Variants in LAT2 observed in about 807,000 individuals in gnomAD.
LAT2 encodes the protein linker for activation of T cells family member 2.
In LAT2, 23 loss-of-function variants were observed where a neutral mutation model predicts 43.4. That is an observed-to-expected ratio of 0.53 (90% CI 0.38 to 0.75). The LOEUF (loss-of-function observed/expected upper bound fraction) is 0.75. Ranked by LOEUF, LAT2 falls within the 30% of genes least tolerant of loss-of-function variation. LAT2 has a pLI of 0.00. For synonymous variants in LAT2, 128 were observed against 123.2 expected (o/e 1.04, Z -0.26); for missense variants, 284 against 310.2 (o/e 0.92, Z 0.64).
chr7:74,215,709 G>T (rs1036965666), intron 2 of LAT2, among the ~76,000 whole-genome samples: 8 of 152,178 alleles, frequency 5.3e-5, no homozygotes, highest in African/African-American at 1.9e-4. Context: ...TGTCTTGTGG[G>T]CCCCCAGAAC....
chr7:74,220,720 G>C lies in LAT2; in HGVS notation c.318G>C (p.Ser106=). ...CTCCCGCAGGAAGCAGACACGGGTC[G>C]GAGGAAGCCTACATGTGAGTGACCT... The part of the protein sequence containing the change: ...QNFSKGSRHG[S]EEAYIDPIAM... Residue 106 remains serine (S), a synonymous_variant, in exon 9 of 14, where the codon TCG becomes TCC. Transcript: ENST00000460943. This position sits in a 1 kb window ranked among gnomAD's most constrained non-coding sequence, Gnocchi z 4.5. 2 of 1,604,290 alleles carry C rather than the reference G, an allele frequency of 1.2e-6. No homozygotes were observed. The highest frequency in any genetic ancestry group is 1.3e-5 in the African/African-American group (1 of 74,820).
chr7:74,220,902 T>TGGCA lies in LAT2; in HGVS notation c.332+177_332+180dup, dbSNP rs1802247670. ...GGCATCCAGGTTCCCCTCCTTCTCCTGGCAGGCAGGCATTGGGCGACACTG... is the reference window on the plus strand; with the variant it reads ...GGCATCCAGGTTCCCCTCCTTCTCCTGGCAGGCAGGCAGGCATTGGGCGACACTG... On this transcript the variant is annotated intron_variant, in intron 9 of 13. Transcript: ENST00000460943. The surrounding 1 kb of genome is among the most constrained non-coding windows in gnomAD (Gnocchi z 4.5). Among the ~76,000 whole-genome samples, 1 of 151,868 alleles carries TGGCA rather than the reference T, an allele frequency of 6.6e-6. No individual in the cohort carries two copies. The highest frequency in any genetic ancestry group is 2.1e-4 in the South Asian group (1 of 4,812).
At position 74,212,273 on chromosome 7, in the gene LAT2, T is replaced by TTTA. The variant is rs527983800; in HGVS notation, c.-219+2206_-219+2208dup. On this transcript the variant is annotated intron_variant, in intron 1 of 13. Coordinates refer to ENST00000460943, the MANE Select transcript of LAT2 (RefSeq NM_032464.3). ...CCATTTTATTTATTCATTTATTTAA[T>TTTA]TTATTATTATTATTATTATTATTTT... Among the ~76,000 whole-genome samples the TTTA allele has an allele frequency of 8.0e-3, 1,207 of 150,934 alleles. 7 individuals carry two copies. The highest frequency in any genetic ancestry group is 0.011 in the Non-Finnish European group (772 of 67,710).
chr7:74,220,341 G>A lies in LAT2; in HGVS notation c.265+87G>A, dbSNP rs1802218930. 2.0e-6 allele frequency: 3 copies of A among 1,473,588 alleles called. No individual in the cohort carries two copies. In the East Asian group the frequency reaches 6.8e-5, roughly 34 times the overall value. The allele number at this position is 1,473,588 out of a possible 1,614,324, so 91.3% of individuals were successfully genotyped here. A position where few individuals can be genotyped will look rare whatever the true frequency, so the allele number is the denominator to read the frequency against. ...AACCCCATGGGACAGGCGTCGTGCA[G>A]TGGGGGCTGCGGGGCCAGGCGAGGC... is the stretch of plus-strand genomic sequence containing the variant. On this transcript the variant is annotated intron_variant, in intron 7 of 13. Transcript: ENST00000460943. This position sits in a 1 kb window ranked among gnomAD's most constrained non-coding sequence, Gnocchi z 4.5.
intron 2 of LAT2, chr7:74,215,339 G>C (rs1554714096): frequency 6.5e-6 from 1 of 152,836 alleles, no homozygotes; most frequent in East Asian, 1.9e-4. Context: ...CCCATTCCCA[G>C]GTCCTGGGGG....
At chr7:74,219,687 G>C in intron 4 of LAT2, 57 bp from the exon 5 acceptor site, 1 of 1,605,490 alleles carries the variant, frequency 6.2e-7, no homozygotes, top group Non-Finnish European at 8.5e-7. Flanking sequence ...TCCTGTCCCT[G>C]TGTTCTTGGG....
chr7:74,213,136 T>C (rs1801787042), intron 1 of LAT2, among the ~76,000 whole-genome samples: 1 of 152,002 alleles, frequency 6.6e-6, no homozygotes, highest in Non-Finnish European at 1.5e-5. Context: ...ATTATTGAGA[T>C]AGAGTTTCGC....
intron 4 of LAT2, among the ~76,000 whole-genome samples, chr7:74,219,032 T>C (rs1554714654): frequency 1.9e-5 from 2 of 106,044 alleles, no homozygotes; most frequent in African/African-American, 8.3e-5. Flanking sequence ...TTTTTTTTTT[T>C]TTTTTTTTTT....
intron 10 of LAT2, among the ~76,000 whole-genome samples, chr7:74,222,504 C>T (rs1337685773): frequency 1.3e-5 from 2 of 151,976 alleles, no homozygotes; most frequent in African/African-American, 4.8e-5. Flanking sequence ...GCTCCATGAC[C>T]TGGCTCCTGC....
chr7:74,212,080 A>G (rs561485755), intron 1 of LAT2, among the ~76,000 whole-genome samples: 4 of 151,886 alleles, frequency 2.6e-5, no homozygotes, highest in Non-Finnish European at 5.9e-5. Flanking sequence ...AGTAGCTGGA[A>G]CCACAGGCAT....
At chr7:74,221,769 G>A (rs1031312796) in intron 10 of LAT2, 77 bp downstream of exon 10, 62 of 1,299,104 alleles carry the variant, frequency 4.8e-5, no homozygotes, top group South Asian at 1.0e-4. Flanking sequence ...CCAGGCAGGA[G>A]AGGAGGCTGG....
chr7:74,228,751 C>T (rs371740014), intron 13 of LAT2, among the ~76,000 whole-genome samples, 193 bp from the exon 14 acceptor site: 37 of 149,034 alleles, frequency 2.5e-4, no homozygotes, highest in African/African-American at 8.2e-4. Context: ...ATCGCGCCAC[C>T]GCACTCCAGC....
rs1554714942 is a variant in LAT2 at position 74,220,233 on chromosome 7, C to T, written c.244C>T (p.Gln82Ter). The T allele has an allele frequency of 6.2e-7, 1 of 1,611,372 alleles. No individual in the cohort carries two copies. The highest frequency in any genetic ancestry group is 8.5e-7 in the Non-Finnish European group (1 of 1,178,336). The change falls in exon 7 of 14, where the codon CAA (glutamine) becomes TAA (stop). Residue 82 changes from glutamine (Q) to a stop codon, truncating the protein, a stop_gained. Coordinates refer to ENST00000460943, the MANE Select transcript of LAT2 (RefSeq NM_032464.3). LOFTEE classifies it high-confidence loss of function. This position sits in a 1 kb window ranked among gnomAD's most constrained non-coding sequence, Gnocchi z 4.5. ...MAPTRKDKLL[Q>*]FYPSLEDPAS... ...TCCCTGCAGGAAGGACAAGCTGTTGCAATTCTACCCCAGCCTGGAGGGTGA... is the reference window on the plus strand; with the variant it reads ...TCCCTGCAGGAAGGACAAGCTGTTGTAATTCTACCCCAGCCTGGAGGGTGA...
At chr7:74,228,610 CCT>C (rs782282646) in intron 13 of LAT2, among the ~76,000 whole-genome samples, 26 of 148,364 alleles carry the variant, frequency 1.8e-4, no homozygotes, top group Middle Eastern at 3.5e-3. Flanking sequence ...ATGGTGAAAC[CCT>C]GTCTCTACTA....
Position 74,220,801 on chromosome 7 carries a change from ACC to A in LAT2, c.332+68_332+69del. 2.0e-6 allele frequency: 2 copies of A among 989,052 alleles called. No individual in the cohort carries two copies. The highest frequency in any genetic ancestry group is 2.5e-6 in the Non-Finnish European group (2 of 796,742). 61.3% of individuals were successfully genotyped at this position (989,052 alleles called of 1,614,324 possible). On this transcript the variant is annotated intron_variant, in intron 9 of 13. Transcript: ENST00000460943. The surrounding 1 kb of genome is among the most constrained non-coding windows in gnomAD (Gnocchi z 4.5). Reference sequence around the variant, plus strand: ...CCTGCCCCACCTCTCCCCCTGCCCCACCTCTCCCCCTGCCCCACCTGCCTGCC... The same window carrying A: ...CCTGCCCCACCTCTCCCCCTGCCCCATCTCCCCCTGCCCCACCTGCCTGCC...
chr7:74,213,957 A>G (rs1173330405), intron 1 of LAT2, among the ~76,000 whole-genome samples: 1 of 145,342 alleles, frequency 6.9e-6, no homozygotes, highest in Non-Finnish European at 1.5e-5. Flanking sequence ...TCTCCTTATT[A>G]TTATTTTTTG....
Position 74,220,704 on chromosome 7 carries a change from G to C in LAT2, c.302G>C (p.Gly101Ala). 1 of 1,608,638 alleles carries C rather than the reference G, an allele frequency of 6.2e-7. No homozygotes were observed. Among genetic ancestry groups the C allele is most frequent in the African/African-American group, 1.3e-5 (1 of 74,914 alleles). ...GCCCAATTCTCGCCTCCTCCCGCAG[G>C]AAGCAGACACGGGTCGGAGGAAGCC... ...ASSRYQNFSKGSRHGSEEAYI... is the reference protein window; with the variant it reads ...ASSRYQNFSKASRHGSEEAYI... Residue 101 changes from glycine to alanine, a missense_variant and splice_region_variant, in exon 9 of 14, where the codon GGA becomes GCA. Gly to Ala is a moderately conservative substitution (Grantham distance 60). Coordinates refer to ENST00000460943, the MANE Select transcript of LAT2 (RefSeq NM_032464.3). The surrounding 1 kb of genome is among the most constrained non-coding windows in gnomAD (Gnocchi z 4.5).
At chr7:74,228,195 A>G (rs1286227473) in intron 13 of LAT2, among the ~76,000 whole-genome samples, 2 of 93,296 alleles carry the variant, frequency 2.1e-5, no homozygotes, top group African/African-American at 8.6e-5. Flanking sequence ...AAAAAAAAAA[A>G]GCCAGGCGCG....
At position 74,216,078 on chromosome 7, in the gene LAT2, G is replaced by A; in HGVS notation, c.94+9G>A. ...GCGCTGCTCACGCCCAGGTAAGCGG[G>A]GGTCTCGGGGACGTGATGGGGAGAA... is the stretch of plus-strand genomic sequence containing the variant. On this transcript the variant is annotated intron_variant, in intron 3 of 13. Coordinates refer to ENST00000460943, the MANE Select transcript of LAT2 (RefSeq NM_032464.3). 1 of 1,604,398 alleles carries A rather than the reference G, an allele frequency of 6.2e-7. No homozygotes were observed. The highest frequency in any genetic ancestry group is 2.2e-5 in the East Asian group (1 of 44,812).
Sources: allele counts gnomAD v4.1 joint callset (sites outside exome capture counted in the v4.1 genomes callset), GRCh38; gene constraint gnomAD v4.1.1; non-coding constraint Gnocchi (gnomAD v3.1); transcripts MANE v1.5; gene names NCBI Gene and HGNC (gene_info 2026-07-23, HGNC 2026-07-21).